The following ZNF510 variants were observed in gnomAD, a reference collection of about 807,000 sequenced individuals.
ZNF510 encodes the protein zinc finger protein 510.
A neutral mutation model predicts 18.1 loss-of-function variants in ZNF510; 15 were observed. The observed-to-expected ratio is 0.83, with a 90% CI of 0.55 to 1.28. The LOEUF (loss-of-function observed/expected upper bound fraction) is 1.28, where lower values mean the gene tolerates loss of function less well. Among genes scored for constraint, ZNF510 ranks in the 50% most tolerant of loss-of-function variants. ZNF510 has a pLI of 0.00. For missense variants in ZNF510, 724 were observed against 791.8 expected (o/e 0.91, Z 1.03); for synonymous variants, 261 against 266.4 (o/e 0.98, Z 0.20).
At chr9:96,776,797 CAA>C (rs1019183135) in intron 1 of ZNF510, among the ~76,000 whole-genome samples, 1 of 151,982 alleles carries the variant, frequency 6.6e-6, no homozygotes, top group African/African-American at 2.4e-5. Flanking sequence ...CTCCCCCCAC[CAA>C]AAAAGTCTCC....
At chr9:96,760,537 A>G in intron 5 of ZNF510, 60 bp from the exon 6 acceptor site, 2 of 1,430,084 alleles carry the variant, frequency 1.4e-6, no homozygotes, top group Admixed American at 4.6e-5. Context: ...GTAGAGCTTT[A>G]TCAACATACA....
chr9:96,776,173 C>G lies in ZNF510; in HGVS notation c.-104G>C. The G allele has an allele frequency of 6.7e-7, 1 of 1,497,234 alleles. No individual in the cohort carries two copies. The highest frequency in any genetic ancestry group is 8.9e-7 in the Non-Finnish European group (1 of 1,119,564). 92.7% of individuals were successfully genotyped at this position (1,497,234 alleles called of 1,614,324 possible). ...GTTCTTCTGCATCTGTTTGGAAGCC[C>G]TGGTGAGGAGGTCTCTGTTCTGTCA... On this transcript the variant is annotated 5_prime_UTR_variant, in exon 2 of 6. Transcript: ENST00000223428.
At chr9:96,770,878 G>C (rs1482940568) in intron 3 of ZNF510, among the ~76,000 whole-genome samples, 1 of 152,148 alleles carries the variant, frequency 6.6e-6, no homozygotes, top group African/African-American at 2.4e-5. Context: ...CACTTTAAAA[G>C]TGTGAATTAT....
rs1307499507 is a variant in ZNF510, at chr9:96,759,363, T to C, written c.1467A>G (p.Glu489=). 1 of 1,614,136 alleles carries C rather than the reference T, an allele frequency of 6.2e-7. No individual in the cohort carries two copies. Among genetic ancestry groups the C allele is most frequent in the East Asian group, 2.2e-5 (1 of 44,872 alleles). ...QRIHTGEKPY[E]CSECGKTFVQ... is the part of the protein sequence containing the mutation. ...CAAAAGTTTTCCCACATTCACTACA[T>C]TCATAGGGTTTTTCTCCTGTGTGAA... The change falls in exon 6 of 6, where the codon GAA becomes GAG. Residue 489 remains glutamate (E), a synonymous_variant. Coordinates refer to ENST00000223428, the MANE Select transcript of ZNF510 (RefSeq NM_014930.3).
At position 96,765,341 on chromosome 9, in the gene ZNF510, C is replaced by T. The variant is rs904728076; in HGVS notation, c.130-1709G>A. Reference sequence around the variant, plus strand: ...CAGTTATTTTGCAGTCATTTGTGGACATGTACAGGAAGGTAAAAAATTTGA... The same window carrying T: ...CAGTTATTTTGCAGTCATTTGTGGATATGTACAGGAAGGTAAAAAATTTGA... On this transcript the variant is annotated intron_variant, in intron 3 of 5. Transcript: ENST00000223428. Among the ~76,000 whole-genome samples the T allele has an allele frequency of 4.6e-5, 7 of 152,264 alleles. No homozygotes were observed. In the East Asian group the frequency reaches 1.2e-3, roughly 25 times the overall value.
rs1234047282 is a variant in ZNF510, at chr9:96,760,120, T to C, written c.710A>G (p.Tyr237Cys). 1 of 1,609,308 alleles carries C rather than the reference T, an allele frequency of 6.2e-7. No homozygotes were observed. The highest frequency in any genetic ancestry group is 1.7e-5 in the Admixed American group (1 of 58,960). Reference sequence around the variant, plus strand: ...TGGATGCTTGGGAAGATTTTCATTATAATTGAGAGCTTTCATGTTTTTATT... The same window carrying C: ...TGGATGCTTGGGAAGATTTTCATTACAATTGAGAGCTTTCATGTTTTTATT... ...EHNKNMKALN[Y>C]NENLPKHPKF... The change falls in exon 6 of 6, where the codon TAT (tyrosine) becomes TGT (cysteine). Residue 237 changes from tyrosine to cysteine, a missense_variant. Transcript: ENST00000223428.
At chr9:96,770,517 G>A (rs1055538514) in intron 3 of ZNF510, among the ~76,000 whole-genome samples, 2 of 151,858 alleles carry the variant, frequency 1.3e-5, no homozygotes, top group African/African-American at 2.4e-5. Context: ...CAGGAGAACT[G>A]CTTGAACCTG....
Position 96,760,221 on chromosome 9 carries a change from G to A in ZNF510, c.609C>T (p.Cys203=), listed in dbSNP as rs370733283. The A allele has an allele frequency of 2.2e-5, 36 of 1,612,694 alleles. No individual in the cohort carries two copies. Among genetic ancestry groups the A allele is most frequent in the Middle Eastern group, 1.6e-4 (1 of 6,074 alleles). ...NRNYSTKKIG[C]GNVCENSPFK... is the part of the protein sequence containing the mutation. The stretch of plus-strand genomic sequence containing the variant: ...AAGGTGAATTCTCACATACATTACC[G>A]CAACCTATTTTCTTTGTTGAATAGT... Residue 203 remains cysteine, a synonymous_variant, in exon 6 of 6, where the codon TGC becomes TGT. Coordinates refer to ENST00000223428, the MANE Select transcript of ZNF510 (RefSeq NM_014930.3).
At chr9:96,767,241 T>C (rs759481183) in intron 3 of ZNF510, among the ~76,000 whole-genome samples, 4 of 152,040 alleles carry the variant, frequency 2.6e-5, no homozygotes, top group Non-Finnish European at 2.9e-5. Flanking sequence ...GGCAGGAGAA[T>C]TGCTTGAACC....
Position 96,757,180 on chromosome 9 carries a change from T to G in ZNF510, c.*1598A>C, listed in dbSNP as rs1849214523. The G allele has an allele frequency of 6.6e-6, 1 of 151,932 alleles. No homozygotes were observed. Among genetic ancestry groups the G allele is most frequent in the Admixed American group, 6.6e-5 (1 of 15,246 alleles). The allele number at this position is 151,932 out of a possible 1,614,324, so 9.4% of individuals were successfully genotyped here. ...TCTGAGTCCCTCCCCTCTCTGGAGG[T>G]TTCCCATAATACTTGGGTGGGTGCC... On this transcript the variant is annotated 3_prime_UTR_variant, in exon 6 of 6. Coordinates refer to ENST00000223428, the MANE Select transcript of ZNF510 (RefSeq NM_014930.3).
intron 3 of ZNF510, 102 bp downstream of exon 3, chr9:96,774,686 T>C: frequency 9.3e-7 from 1 of 1,079,252 alleles, no homozygotes. Context: ...TTCTATATAT[T>C]CCTTGAATGA....
At position 96,772,626 on chromosome 9, in the gene ZNF510, T is replaced by A. The variant is rs1418089230; in HGVS notation, c.129+2162A>T. Among the ~76,000 whole-genome samples the A allele has an allele frequency of 4.6e-5, 7 of 152,254 alleles. No homozygotes were observed. The South Asian group carries it at 6.2e-4, about 13-fold the overall frequency. The stretch of plus-strand genomic sequence containing the variant: ...GTCTAAATGTCCAAAACACAAACAA[T>A]GGTGCCCAACATTAGTATTTACCAT... On this transcript the variant is annotated intron_variant, in intron 3 of 5. Coordinates refer to ENST00000223428, the MANE Select transcript of ZNF510 (RefSeq NM_014930.3).
chr9:96,776,296 G>A, intron 1 of ZNF510, 51 bp from the exon 2 acceptor site: 2 of 680,788 alleles, frequency 2.9e-6, no homozygotes, highest in Non-Finnish European at 4.4e-6. Flanking sequence ...CTGATGCCTG[G>A]GTAACAAATT....
In ZNF510 at chr9:96,758,563, G is replaced by A; in HGVS notation, c.*215C>T. ...GTACTCTGAAAACAGAAGCCTGTCTGAATTCTTTGATACACTCTGAAGGTT... is the reference window on the plus strand; with the variant it reads ...GTACTCTGAAAACAGAAGCCTGTCTAAATTCTTTGATACACTCTGAAGGTT... On this transcript the variant is annotated 3_prime_UTR_variant, in exon 6 of 6. Transcript: ENST00000223428. 1.9e-6 allele frequency: 1 copy of A among 527,248 alleles called. No individual in the cohort carries two copies. The highest frequency in any genetic ancestry group is 3.3e-6 in the Non-Finnish European group (1 of 307,028). 32.7% of individuals were successfully genotyped at this position (527,248 alleles called of 1,614,324 possible).
chr9:96,774,352 G>A (rs763906169), intron 3 of ZNF510, among the ~76,000 whole-genome samples: 7 of 152,152 alleles, frequency 4.6e-5, no homozygotes, highest in Non-Finnish European at 1.0e-4. Flanking sequence ...CCTGAGTTTG[G>A]CACTAAGCCG....
chr9:96,760,748 T>TA (rs1849328032), intron 5 of ZNF510, among the ~76,000 whole-genome samples: 1 of 149,828 alleles, frequency 6.7e-6, no homozygotes, highest in African/African-American at 2.5e-5. Flanking sequence ...GGAAAGAAAA[T>TA]AAAATAAAAC....
Position 96,756,120 on chromosome 9 carries a change from A to AC in ZNF510, c.*2657dup, listed in dbSNP as rs1389929599. The AC allele has an allele frequency of 6.6e-6, 1 of 150,578 alleles. No individual in the cohort carries two copies. The highest frequency in any genetic ancestry group is 1.5e-5 in the Non-Finnish European group (1 of 68,008). 9.3% of individuals were successfully genotyped at this position (150,578 alleles called of 1,614,324 possible). On this transcript the variant is annotated 3_prime_UTR_variant, in exon 6 of 6. Coordinates refer to ENST00000223428, the MANE Select transcript of ZNF510 (RefSeq NM_014930.3). ...GTTGTACTAAGCAGCTGTGACTTTT[A>AC]CCCCCACTGTACAAAGAAAGGGTGC...
intron 1 of ZNF510, among the ~76,000 whole-genome samples, chr9:96,776,933 T>C (rs917766235): frequency 6.6e-6 from 1 of 152,206 alleles, no homozygotes; most frequent in African/African-American, 2.4e-5. Flanking sequence ...TCCAATCACA[T>C]CAACTACTGA....
chr9:96,767,220 C>T (rs1410751540), intron 3 of ZNF510, among the ~76,000 whole-genome samples: 6 of 151,954 alleles, frequency 3.9e-5, no homozygotes, highest in Admixed American at 1.3e-4. Flanking sequence ...CCCAGCTACT[C>T]GGGTGTCTGA....
Sources: gnomAD v4.1 joint callset for allele counts (sites outside exome capture counted in the v4.1 genomes callset) on GRCh38, gnomAD v4.1.1 for gene constraint, MANE v1.5 for transcripts, NCBI Gene and HGNC (gene_info 2026-07-23, HGNC 2026-07-21) for gene names.